Variants in LRRN3 observed in about 807,000 individuals in gnomAD.
LRRN3 encodes the protein leucine rich repeat neuronal 3.
In LRRN3, 15 loss-of-function variants were observed where a neutral mutation model predicts 40.1. The observed-to-expected ratio is 0.37, with a 90% CI of 0.25 to 0.58. The LOEUF (loss-of-function observed/expected upper bound fraction) is 0.58. LRRN3 is among the 20% of genes least tolerant of loss of function. The pLI, the probability that LRRN3 is intolerant of heterozygous loss-of-function variation, is 0.72. For synonymous variants in LRRN3, 308 were observed against 297.2 expected, an observed-to-expected ratio of 1.04 and a Z score of -0.37; for missense variants, 746 against 837.7, an observed-to-expected ratio of 0.89 and a Z score of 1.35.
chr7:111,119,129 A>G (rs748381122), intron 2 of LRRN3, among the ~76,000 whole-genome samples: 6 of 152,172 alleles, frequency 3.9e-5, no homozygotes, highest in Non-Finnish European at 8.8e-5. Flanking sequence ...TCTGCTGGAG[A>G]AAGCAGACCT....
At chr7:111,118,045 A>T (rs1586390528) in intron 2 of LRRN3, among the ~76,000 whole-genome samples, 2 of 152,248 alleles carry the variant, frequency 1.3e-5, no homozygotes, top group Admixed American at 1.3e-4. Context: ...AAGACCACAG[A>T]ACATTCATGT....
chr7:111,098,473 GTAA>G (rs1169226545), intron 1 of LRRN3, among the ~76,000 whole-genome samples: 2 of 151,710 alleles, frequency 1.3e-5, no homozygotes, highest in Non-Finnish European at 3.0e-5. Flanking sequence ...AATAATCAAA[GTAA>G]TGATGAATTA....
chr7:111,105,624 A>G (rs1167892683), intron 2 of LRRN3, among the ~76,000 whole-genome samples: 1 of 151,902 alleles, frequency 6.6e-6, no homozygotes, highest in Non-Finnish European at 1.5e-5. Flanking sequence ...TACAACATGT[A>G]TTTTTGTTGT....
Position 111,124,632 on chromosome 7 carries a change from G to C in LRRN3, c.1860G>C (p.Glu620Asp), listed in dbSNP as rs1801073720. The C allele has an allele frequency of 6.2e-7, 1 of 1,613,986 alleles. No homozygotes were observed. The highest frequency in any genetic ancestry group is 2.2e-5 in the East Asian group (1 of 44,850). ...AAGGTTTGCACCCTGATCAAAAAGA[G>C]TATGAAAAGAATAATACCACAACAC... Reference protein sequence around the residue: ...TTKGLHPDQKEYEKNNTTTLM... With the variant: ...TTKGLHPDQKDYEKNNTTTLM... Residue 620 changes from glutamate to aspartate, a missense_variant, in exon 3 of 3, where the codon GAG becomes GAC. By Grantham distance (45) the Glu-to-Asp change is conservative. Coordinates refer to ENST00000308478, the MANE Select transcript of LRRN3 (RefSeq NM_001099658.2).
In LRRN3 at chr7:111,122,949, T is replaced by C; in HGVS notation, c.177T>C (p.Gly59=). 3 of 1,614,006 alleles carry C rather than the reference T, an allele frequency of 1.9e-6. No individual in the cohort carries two copies. The highest frequency in any genetic ancestry group is 2.5e-6 in the Non-Finnish European group (3 of 1,179,958). The change falls in exon 3 of 3, where the codon GGT becomes GGC. Residue 59 remains glycine, a synonymous_variant. Coordinates refer to ENST00000308478, the MANE Select transcript of LRRN3 (RefSeq NM_001099658.2). ...CTACAGTGGATTGTAATGATTTAGGTCTTTTAACTTTCCCAGCCAGATTGC... is the reference window on the plus strand; with the variant it reads ...CTACAGTGGATTGTAATGATTTAGGCCTTTTAACTTTCCCAGCCAGATTGC... The part of the protein sequence containing the change: ...EASTVDCNDL[G]LLTFPARLPA...
intron 2 of LRRN3, among the ~76,000 whole-genome samples, chr7:111,116,752 T>C (rs1799926547): frequency 6.6e-6 from 1 of 152,164 alleles, no homozygotes; most frequent in Non-Finnish European, 1.5e-5. Flanking sequence ...AGTGAAACTT[T>C]ATTATCAAAG....
chr7:111,097,793 A>G (rs1171638421), intron 1 of LRRN3, among the ~76,000 whole-genome samples: 3 of 151,918 alleles, frequency 2.0e-5, no homozygotes, highest in Non-Finnish European at 4.4e-5. Flanking sequence ...AAAGTATTCA[A>G]CATCTGTAGA....
Position 111,123,993 on chromosome 7 carries a change from T to C in LRRN3, c.1221T>C (p.Val407=). 6.2e-7 allele frequency: 1 copy of C among 1,614,068 alleles called. No individual in the cohort carries two copies. Among genetic ancestry groups the C allele is most frequent in the Non-Finnish European group, 8.5e-7 (1 of 1,179,990 alleles). Residue 407 remains valine (V), a synonymous_variant, in exon 3 of 3, where the codon GTT becomes GTC. Coordinates refer to ENST00000308478, the MANE Select transcript of LRRN3 (RefSeq NM_001099658.2). This position sits in a 1 kb window ranked among gnomAD's most constrained non-coding sequence, Gnocchi z 6.4. The part of the protein sequence containing the change: ...VDPPEFQGQN[V]RQVHFRDMME... ...CACCTGAATTCCAAGGTCAGAATGT[T>C]CGGCAAGTGCATTTCAGGGACATGA...
Position 111,124,013 on chromosome 7 carries a change from A to C in LRRN3, c.1241A>C (p.Asp414Ala). The change falls in exon 3 of 3, where the codon GAC becomes GCC. Residue 414 changes from aspartate (D) to alanine (A), a missense_variant. Coordinates refer to ENST00000308478, the MANE Select transcript of LRRN3 (RefSeq NM_001099658.2). ...GQNVRQVHFR[D>A]MMEICLPLIA... Reference sequence around the variant, plus strand: ...AATGTTCGGCAAGTGCATTTCAGGGACATGATGGAAATTTGTCTCCCTCTT... The same window carrying C: ...AATGTTCGGCAAGTGCATTTCAGGGCCATGATGGAAATTTGTCTCCCTCTT... 6.2e-7 allele frequency: 1 copy of C among 1,614,100 alleles called. No homozygotes were observed. The highest frequency in any genetic ancestry group is 2.2e-5 in the East Asian group (1 of 44,864).
rs186329804 is a variant in LRRN3, at chr7:111,122,864, G to A, written c.92G>A (p.Arg31Gln). ...QAVDKKVDCP[R>Q]LCTCEIRPWF... ...GTAGATAAAAAAGTGGATTGTCCAC[G>A]GTTATGTACGTGTGAAATCAGGCCT... Residue 31 changes from arginine to glutamine, a missense_variant, in exon 3 of 3, where the codon CGG becomes CAG. Coordinates refer to ENST00000308478, the MANE Select transcript of LRRN3 (RefSeq NM_001099658.2). 2.5e-3 allele frequency: 4,094 copies of A among 1,613,876 alleles called. 129 individuals carry two copies. The Admixed American group carries it at 0.055, about 22-fold the overall frequency.
chr7:111,105,138 G>A (rs1798403495), intron 2 of LRRN3, among the ~76,000 whole-genome samples: 1 of 151,756 alleles, frequency 6.6e-6, no homozygotes, highest in South Asian at 2.1e-4. Flanking sequence ...CTGTAAATAT[G>A]TGTTTTCAAA....
rs145906383 is a variant in LRRN3 at position 111,124,481 on chromosome 7, G to A, written c.1709G>A (p.Arg570Gln). ...TENSHAAQSA[R>Q]IPSDVKVYNL... ...AATTCTCATGCTGCGCAAAGTGCTC[G>A]AATACCATCTGATGTCAAGGTATAT... Residue 570 changes from arginine (R) to glutamine (Q), a missense_variant, in exon 3 of 3, where the codon CGA becomes CAA. Arg to Gln is a conservative substitution (Grantham distance 43). Transcript: ENST00000308478. 2.2e-4 allele frequency: 351 copies of A among 1,613,842 alleles called. No homozygotes were observed. Among genetic ancestry groups the A allele is most frequent in the Admixed American group, 2.7e-4 (16 of 59,922 alleles).
chr7:111,109,927 A>C (rs1057025215), intron 2 of LRRN3, among the ~76,000 whole-genome samples: 1 of 152,192 alleles, frequency 6.6e-6, no homozygotes, highest in African/African-American at 2.4e-5. Context: ...CAAGGTCAGG[A>C]GTTCAAGACC....
At chr7:111,096,081 G>A (rs1267672187) in intron 1 of LRRN3, among the ~76,000 whole-genome samples, 2 of 151,876 alleles carry the variant, frequency 1.3e-5, no homozygotes, top group Non-Finnish European at 2.9e-5. Flanking sequence ...CTTGTAAGAA[G>A]GATACAAAAT....
At position 111,123,501 on chromosome 7, in the gene LRRN3, T is replaced by C. The variant is rs1800905310; in HGVS notation, c.729T>C (p.Phe243=). ...TGGAAAACTTAGAAAGCATCTCTTT[T>C]TACGATAACAGGCTTATTAAAGTAC... is the stretch of plus-strand genomic sequence containing the variant. The part of the protein sequence containing the change: ...VGLENLESIS[F]YDNRLIKVPH... The change falls in exon 3 of 3, where the codon TTT becomes TTC. Residue 243 remains phenylalanine, a synonymous_variant. Transcript: ENST00000308478. This position sits in a 1 kb window ranked among gnomAD's most constrained non-coding sequence, Gnocchi z 6.4. 6.2e-7 allele frequency: 1 copy of C among 1,613,728 alleles called. No individual in the cohort carries two copies. The highest frequency in any genetic ancestry group is 8.5e-7 in the Non-Finnish European group (1 of 1,179,950).
Position 111,097,959 on chromosome 7 carries a change from A to T in LRRN3, c.-440-1922A>T, listed in dbSNP as rs1259104285. Among the ~76,000 whole-genome samples the T allele has an allele frequency of 2.0e-5, 3 of 151,882 alleles. No individual in the cohort carries two copies. In the Admixed American group the frequency reaches 2.0e-4, roughly 10 times the overall value. ...CCAAGGCATTGAGAACAAAAAAGAT[A>T]GAGCAAGCGAAAAGAGAATTGTGTC... is the stretch of plus-strand genomic sequence containing the variant. On this transcript the variant is annotated intron_variant, in intron 1 of 2. Coordinates refer to ENST00000308478, the MANE Select transcript of LRRN3 (RefSeq NM_001099658.2).
At chr7:111,113,028 GA>G (rs1799428324) in intron 2 of LRRN3, among the ~76,000 whole-genome samples, 1 of 152,100 alleles carries the variant, frequency 6.6e-6, no homozygotes, top group Non-Finnish European at 1.5e-5. Context: ...TAATAGCAAT[GA>G]GAACCATATT....
chr7:111,094,547 A>G (rs1797205806), intron 1 of LRRN3, among the ~76,000 whole-genome samples: 1 of 152,248 alleles, frequency 6.6e-6, no homozygotes, highest in Middle Eastern at 3.4e-3. Context: ...ATGAAACTAA[A>G]TAAAGCAGGT....
chr7:111,116,059 C>T (rs74958820), intron 2 of LRRN3, among the ~76,000 whole-genome samples: 2 of 152,138 alleles, frequency 1.3e-5, no homozygotes, highest in Admixed American at 6.5e-5. Flanking sequence ...ATAAAACATC[C>T]AAGATTCTCT....
Sources: gnomAD v4.1 joint callset for allele counts (sites outside exome capture counted in the v4.1 genomes callset) on GRCh38, gnomAD v4.1.1 for gene constraint, Gnocchi (gnomAD v3.1) non-coding constraint, MANE v1.5 for transcripts, NCBI Gene and HGNC (gene_info 2026-07-23, HGNC 2026-07-21) for gene names.